LUC7L: variants seen among roughly 807,000 people sequenced by gnomAD.
LUC7L encodes the protein putative RNA-binding protein Luc7-like 1.
LUC7L carries 29 observed loss-of-function variants against 51.1 expected under a neutral mutation model. The ratio of observed to expected loss-of-function variants is 0.57; its 90% confidence interval spans 0.42 to 0.77. LUC7L has a LOEUF of 0.77. LUC7L is among the 30% of genes least tolerant of loss of function. The pLI is 0.00. For missense variants in LUC7L, 403 were observed against 511.9 expected (o/e 0.79, Z 2.05); for synonymous variants, 181 against 180.7 (o/e 1.00, Z -0.01).
chr16:213,888 C>T (rs1189339266), intron 3 of LUC7L, among the ~76,000 whole-genome samples: 1 of 150,508 alleles, frequency 6.6e-6, no homozygotes, highest in Non-Finnish European at 1.5e-5. Flanking sequence ...CTAATATTTT[C>T]TATTTTTAGT....
In LUC7L at chr16:189,957, A is replaced by G; in HGVS notation, c.974+11T>C. 6.2e-7 allele frequency: 1 copy of G among 1,606,548 alleles called. No homozygotes were observed. Among genetic ancestry groups the G allele is most frequent in the Non-Finnish European group, 8.5e-7 (1 of 1,174,362 alleles). ...CCTGGTTGCAGCTACCGAAGGAGTC[A>G]GAGTAGTTACTTGTATTTCGCACTT... On this transcript the variant is annotated intron_variant, in intron 9 of 9. Coordinates refer to ENST00000293872, the MANE Select transcript of LUC7L (RefSeq NM_201412.3).
intron 2 of LUC7L, among the ~76,000 whole-genome samples, chr16:222,903 T>G (rs2050013909): frequency 6.7e-6 from 1 of 148,338 alleles, no homozygotes; most frequent in African/African-American, 2.5e-5. Context: ...GTGCTGGGAT[T>G]ACGAGCGTGA....
In LUC7L at chr16:190,051, A is replaced by C; in HGVS notation, c.891T>G (p.Asp297Glu). The C allele has an allele frequency of 6.2e-7, 1 of 1,613,740 alleles. No homozygotes were observed. The highest frequency in any genetic ancestry group is 8.5e-7 in the Non-Finnish European group (1 of 1,179,968). ...RRKLSRSRSR[D>E]RHRRHRSRSR... is the part of the protein sequence containing the mutation. ...AACGGCTGCGGTGGCGCCGATGTCTATCTCGGGACCGGGACCGGGACAATT... is the reference window on the plus strand; with the variant it reads ...AACGGCTGCGGTGGCGCCGATGTCTCTCTCGGGACCGGGACCGGGACAATT... The change falls in exon 9 of 10, where the codon GAT becomes GAG. Residue 297 changes from aspartate (D) to glutamate (E), a missense_variant. This residue lies in a region of LUC7L where 206 missense variants were observed against 218.3 expected (regional missense o/e 0.94). Coordinates refer to ENST00000293872, the MANE Select transcript of LUC7L (RefSeq NM_201412.3).
intron 3 of LUC7L, among the ~76,000 whole-genome samples, chr16:210,012 G>T (rs2049594787): frequency 6.6e-6 from 1 of 152,192 alleles, no homozygotes; most frequent in South Asian, 2.1e-4. Context: ...TCTTGGCCAG[G>T]CGTGGTAGCT....
chr16:220,777 T>G, intron 2 of LUC7L, 30 bp from the exon 3 acceptor site: 1 of 1,447,002 alleles, frequency 6.9e-7, no homozygotes, highest in East Asian at 2.3e-5. Flanking sequence ...AATGCAGACC[T>G]CAGTGCCTAC....
intron 2 of LUC7L, among the ~76,000 whole-genome samples, chr16:224,829 C>T (rs2142120832): frequency 6.6e-6 from 1 of 151,254 alleles, no homozygotes; most frequent in South Asian, 2.1e-4. Flanking sequence ...GAGACTCCGT[C>T]TGAAAAAAAA....
chr16:222,067 TTTATG>T (rs565597684), intron 2 of LUC7L, among the ~76,000 whole-genome samples: 3 of 152,284 alleles, frequency 2.0e-5, no homozygotes, highest in South Asian at 4.1e-4. Flanking sequence ...AACAAAATGA[TTTATG>T]TTGTCAGTAA....
Position 192,977 on chromosome 16 carries a change from A to T in LUC7L, c.726T>A (p.Asp242Glu). ...CCCTCTCCTCTCTCCTCCTCAAGCG[A>T]TCCTGATTTCTCTTCTCCTGCTTTT... is the stretch of plus-strand genomic sequence containing the variant. ...VAEKQEKRNQDRLRRREERER... is the reference protein window; with the variant it reads ...VAEKQEKRNQERLRRREERER... The change falls in exon 7 of 10, where the codon GAT becomes GAA. Residue 242 changes from aspartate to glutamate, a missense_variant. This residue lies in a region of LUC7L where 206 missense variants were observed against 218.3 expected (regional missense o/e 0.94). Transcript: ENST00000293872. 1 of 1,613,564 alleles carries T rather than the reference A, an allele frequency of 6.2e-7. No individual in the cohort carries two copies. Among genetic ancestry groups the T allele is most frequent in the Non-Finnish European group, 8.5e-7 (1 of 1,180,008 alleles).
chr16:199,009 A>G (rs1229326929), intron 6 of LUC7L, 53 bp downstream of exon 6: 24 of 1,495,034 alleles, frequency 1.6e-5, no homozygotes, highest in Non-Finnish European at 2.1e-5. Context: ...AATTAAAGAA[A>G]TGTGAAAACA....
At chr16:203,991 G>C (rs550715439) in intron 5 of LUC7L, among the ~76,000 whole-genome samples, 256 of 152,194 alleles carry the variant, frequency 1.7e-3, no homozygotes, top group African/African-American at 6.0e-3. Flanking sequence ...ACTCCAGCCT[G>C]GGCGAATGAA....
At chr16:198,648 T>A (rs143301770) in intron 6 of LUC7L, among the ~76,000 whole-genome samples, 1 of 152,298 alleles carries the variant, frequency 6.6e-6, no homozygotes, top group Non-Finnish European at 1.5e-5. Context: ...TCTGCGTATT[T>A]CACTATAAAA....
In LUC7L at chr16:217,391, A is replaced by G. The variant is rs893104699; in HGVS notation, c.255+3258T>C. Among the ~76,000 whole-genome samples, 9 of 151,930 alleles carry G rather than the reference A, an allele frequency of 5.9e-5. No homozygotes were observed. In the East Asian group the frequency reaches 1.7e-3, roughly 29 times the overall value. On this transcript the variant is annotated intron_variant, in intron 3 of 9. Coordinates refer to ENST00000293872, the MANE Select transcript of LUC7L (RefSeq NM_201412.3). ...TCTCAGGTACCCCCCAAATATATAC[A>G]CCTATTATGTAGCCACAACAAATTT...
intron 8 of LUC7L, 109 bp downstream of exon 8, chr16:190,432 C>T: frequency 8.2e-7 from 1 of 1,225,856 alleles, no homozygotes; most frequent in Non-Finnish European, 1.2e-6. Flanking sequence ...CCTTCACAAG[C>T]CAGCCCTACC....
chr16:201,689 T>A (rs1217318152), intron 5 of LUC7L, among the ~76,000 whole-genome samples: 1 of 146,214 alleles, frequency 6.8e-6, no homozygotes, highest in Non-Finnish European at 1.5e-5. Context: ...TCCACCCGCC[T>A]CAGCCTCCCA....
Position 190,107 on chromosome 16 carries a change from G to A in LUC7L, c.835C>T (p.Arg279Trp), listed in dbSNP as rs779353400. 32 of 1,612,048 alleles carry A rather than the reference G, an allele frequency of 2.0e-5. No homozygotes were observed. Among genetic ancestry groups the A allele is most frequent in the East Asian group, 6.7e-5 (3 of 44,878 alleles). Residue 279 changes from arginine to tryptophan, a missense_variant, in exon 9 of 10, where the codon CGG (arginine) becomes TGG (tryptophan). Arg to Trp is a moderately radical substitution (Grantham distance 101, BLOSUM62 -3). Around this residue, in one of 3 missense-constraint regions of LUC7L, gnomAD observed 206 missense variants for 218.3 expected, o/e 0.94. Coordinates refer to ENST00000293872, the MANE Select transcript of LUC7L (RefSeq NM_201412.3). ...RSRSRDRRRRRSRSTSRERRK... is the reference protein window; with the variant it reads ...RSRSRDRRRRWSRSTSRERRK... ...CGCTCTCGGGAGGTAGATCTTGACC[G>A]CCTCCGACGCCGATCCCGGGAGCGT...
intron 4 of LUC7L, among the ~76,000 whole-genome samples, chr16:207,145 G>A (rs1435515746): frequency 6.6e-6 from 1 of 151,636 alleles, no homozygotes; most frequent in Non-Finnish European, 1.5e-5. Flanking sequence ...CTTGCAGTGA[G>A]TCGAGATCAC....
chr16:197,621 C>T (rs776229693), intron 6 of LUC7L, among the ~76,000 whole-genome samples: 1 of 152,214 alleles, frequency 6.6e-6, no homozygotes, highest in Non-Finnish European at 1.5e-5. Flanking sequence ...TGTTTCAAGA[C>T]CAGTGGCCGA....
intron 5 of LUC7L, among the ~76,000 whole-genome samples, chr16:203,972 C>T (rs947891552): frequency 3.9e-5 from 6 of 151,960 alleles, no homozygotes; most frequent in African/African-American, 1.5e-4. Flanking sequence ...GCCGAGATCA[C>T]GCCACTGCAC....
chr16:193,806 CTT>C (rs35000773), intron 6 of LUC7L, among the ~76,000 whole-genome samples: 8 of 139,662 alleles, frequency 5.7e-5, no homozygotes, highest in Admixed American at 1.4e-4. Context: ...TTTACATTTA[CTT>C]TTTTTTTTTT....
Sources: gnomAD v4.1 joint callset for allele counts (sites outside exome capture counted in the v4.1 genomes callset) on GRCh38, gnomAD v4.1.1 for gene constraint, gnomAD v4.1.1 regional missense constraint, MANE v1.5 for transcripts, NCBI Gene and HGNC (gene_info 2026-07-23, HGNC 2026-07-21) for gene names.